TLN2: variants seen among roughly 807,000 people sequenced by gnomAD.
The protein encoded by TLN2 is talin 2, also known as talin-2.
TLN2 carries 118 observed loss-of-function variants against 294.7 expected under a neutral mutation model. The ratio of observed to expected loss-of-function variants is 0.40; its 90% CI spans 0.34 to 0.47. TLN2 has a LOEUF of 0.47. TLN2 is among the 20% of genes least tolerant of loss of function. The pLI is 0.84. For missense variants in TLN2, 3,083 were observed against 3,282.2 expected (o/e 0.94, Z 1.48); for synonymous variants, 1,431 against 1,304.5 (o/e 1.10, Z -2.09).
At chr15:62,760,804 GT>G (rs201082993) in intron 37 of TLN2, among the ~76,000 whole-genome samples, 4 of 151,058 alleles carry the variant, frequency 2.6e-5, no homozygotes, top group Admixed American at 6.6e-5. Flanking sequence ...TTTTGTTTTT[GT>G]TTTTTTTTAA....
At chr15:62,584,796 C>T (rs980178152) in intron 1 of TLN2, among the ~76,000 whole-genome samples, 1 of 152,200 alleles carries the variant, frequency 6.6e-6, no homozygotes, top group Admixed American at 6.5e-5. Context: ...TATTCGTTTG[C>T]TTCTTGGATT....
chr15:62,720,119 G>A (rs2060037716), intron 25 of TLN2, among the ~76,000 whole-genome samples: 1 of 152,228 alleles, frequency 6.6e-6, no homozygotes, highest in Non-Finnish European at 1.5e-5. Flanking sequence ...GTTTTCCTCA[G>A]GATTATCGTA....
Position 62,447,444 on chromosome 15 carries a change from T to C in TLN2, c.-238+56759T>C, listed in dbSNP as rs144562488. Among the ~76,000 whole-genome samples, 3 of 151,476 alleles carry C rather than the reference T, an allele frequency of 2.0e-5. No homozygotes were observed. The East Asian group carries it at 5.8e-4, about 29-fold the overall frequency. On this transcript the variant is annotated intron_variant, in intron 1 of 58. Coordinates refer to ENST00000636159, the MANE Select transcript of TLN2 (RefSeq NM_015059.3). ...TGGATGCTTCACACTTCAAAATCTC[T>C]GAGGCTCAGTCTTTCTCCTGGAAGT...
chr15:62,744,532 G>A (rs1013240673), intron 32 of TLN2, among the ~76,000 whole-genome samples: 57 of 150,504 alleles, frequency 3.8e-4, no homozygotes, highest in South Asian at 2.9e-3. Context: ...CCAGCTAGAT[G>A]ATTATTATTA....
chr15:62,833,822 T>C, intron 55 of TLN2, 193 bp downstream of exon 55: 1 of 687,248 alleles, frequency 1.5e-6, no homozygotes, highest in Non-Finnish European at 2.2e-6. Flanking sequence ...GTTTGGCTTC[T>C]GGGCCTCTCA....
intron 1 of TLN2, among the ~76,000 whole-genome samples, chr15:62,587,659 C>T (rs1353602474): frequency 1.3e-5 from 2 of 152,202 alleles, no homozygotes; most frequent in African/African-American, 2.4e-5. Context: ...GTATCCATCT[C>T]CCTGCTTCCA....
Position 62,716,528 on chromosome 15 carries a change from G to A in TLN2, c.2763+69G>A, listed in dbSNP as rs1033857831. On this transcript the variant is annotated intron_variant, in intron 23 of 58. Coordinates refer to ENST00000636159, the MANE Select transcript of TLN2 (RefSeq NM_015059.3). Reference sequence around the variant, plus strand: ...CAAAGAGTTATTTGAAAAGATAGTTGAATTAACAAGGTGTTGACAATATAA... The same window carrying A: ...CAAAGAGTTATTTGAAAAGATAGTTAAATTAACAAGGTGTTGACAATATAA... The A allele has an allele frequency of 7.9e-6, 12 of 1,519,148 alleles. No homozygotes were observed. The Admixed American group carries it at 2.6e-4, about 33-fold the overall frequency. The allele number at this position is 1,519,148 out of a possible 1,614,324, so 94.1% of individuals were successfully genotyped here.
At chr15:62,746,180 G>A (rs1190588485) in intron 32 of TLN2, among the ~76,000 whole-genome samples, 1 of 152,122 alleles carries the variant, frequency 6.6e-6, no homozygotes, top group African/African-American at 2.4e-5. Flanking sequence ...AGATAAACAG[G>A]AAACACAGAG....
chr15:62,493,801 C>T (rs1319304941), intron 1 of TLN2, among the ~76,000 whole-genome samples: 2 of 151,836 alleles, frequency 1.3e-5, no homozygotes, highest in African/African-American at 2.4e-5. Context: ...GGTAGAGACA[C>T]GGTTTCACCA....
intron 1 of TLN2, among the ~76,000 whole-genome samples, chr15:62,575,221 G>C (rs1285252106): frequency 2.6e-5 from 4 of 152,166 alleles, no homozygotes; most frequent in Non-Finnish European, 5.9e-5. Flanking sequence ...GCTGAGGTGA[G>C]AGGTGGGAGG....
At chr15:62,474,414 G>A (rs894153515) in intron 1 of TLN2, among the ~76,000 whole-genome samples, 1 of 152,164 alleles carries the variant, frequency 6.6e-6, no homozygotes, top group Non-Finnish European at 1.5e-5. Context: ...AGGCTGAGGT[G>A]AGAGGATTGC....
chr15:62,600,629 C>T (rs1020423200), intron 2 of TLN2, among the ~76,000 whole-genome samples: 12 of 152,142 alleles, frequency 7.9e-5, no homozygotes, highest in Admixed American at 7.2e-4. Flanking sequence ...GGAATGGAAC[C>T]GCCTGCCAGA....
At chr15:62,509,311 G>T (rs2039806040) in intron 1 of TLN2, among the ~76,000 whole-genome samples, 1 of 152,070 alleles carries the variant, frequency 6.6e-6, no homozygotes, top group South Asian at 2.1e-4. Flanking sequence ...ACCTTTGTAT[G>T]TTAATACTTT....
At chr15:62,635,096 T>C (rs1336139866) in intron 3 of TLN2, among the ~76,000 whole-genome samples, 1 of 152,224 alleles carries the variant, frequency 6.6e-6, no homozygotes, top group Non-Finnish European at 1.5e-5. Context: ...GGATTGATTA[T>C]TGGCCTTCTC....
intron 1 of TLN2, among the ~76,000 whole-genome samples, chr15:62,396,879 G>T (rs537522528): frequency 4.6e-5 from 7 of 152,190 alleles, no homozygotes; most frequent in African/African-American, 1.7e-4. Context: ...TAATTTTTGT[G>T]TTTTTAGTAG....
At chr15:62,577,869 T>C (rs1372008984) in intron 1 of TLN2, among the ~76,000 whole-genome samples, 3 of 152,112 alleles carry the variant, frequency 2.0e-5, no homozygotes, top group East Asian at 3.9e-4. Context: ...ACAGGCCCCA[T>C]TGTGTGATGT....
Position 62,797,354 on chromosome 15 carries a change from G to A in TLN2, c.6186G>A (p.Val2062=). The A allele has an allele frequency of 6.2e-7, 1 of 1,613,068 alleles. No homozygotes were observed. Among genetic ancestry groups the A allele is most frequent in the South Asian group, 1.1e-5 (1 of 91,042 alleles). Residue 2062 remains valine, a synonymous_variant, in exon 48 of 59, where the codon GTG becomes GTA. Coordinates refer to ENST00000636159, the MANE Select transcript of TLN2 (RefSeq NM_015059.3). ...SAATITQLAE[V]VKLGAASLGS... ...CCACCATCACCCAGCTCGCAGAAGT[G>A]GTCAAGCTGGGGGCAGCCAGCCTGG...
chr15:62,713,362 TAATATGTGTGTTA>T (rs1417117504), intron 22 of TLN2, among the ~76,000 whole-genome samples: 1 of 151,158 alleles, frequency 6.6e-6, no homozygotes, highest in Non-Finnish European at 1.5e-5. Flanking sequence ...TATCTCAACC[TAATATGTGTGTTA>T]CTTCACTTAA....
At chr15:62,836,228 A>G (rs1243163358) in intron 57 of TLN2, 155 bp downstream of exon 57, 2 of 1,017,484 alleles carry the variant, frequency 2.0e-6, no homozygotes, top group Non-Finnish European at 2.9e-6. Context: ...GCGTCCATGC[A>G]TCCTCCACTG....
Sources: gnomAD v4.1 joint callset for allele counts (sites outside exome capture counted in the v4.1 genomes callset) on GRCh38, gnomAD v4.1.1 for gene constraint, MANE v1.5 for transcripts, NCBI Gene and HGNC (gene_info 2026-07-23, HGNC 2026-07-21) for gene names.